The following STKLD1 variants were observed in gnomAD, a reference collection of about 807,000 sequenced individuals.
The protein encoded by STKLD1 is serine/threonine kinase like domain containing 1, also known as serine/threonine kinase-like domain-containing protein STKLD1.
In STKLD1, 79 loss-of-function variants were observed where a neutral mutation model predicts 80.4. The ratio of observed to expected loss-of-function variants is 0.98; its 90% confidence interval spans 0.82 to 1.19. The LOEUF (loss-of-function observed/expected upper bound fraction) is 1.19, where lower values mean the gene tolerates loss of function less well. Ranked by LOEUF, STKLD1 falls within the 50% of genes most tolerant of loss-of-function variation. The pLI, the probability that STKLD1 is intolerant of heterozygous loss-of-function variation, is 0.00. For missense variants in STKLD1, 841 were observed against 856.0 expected (o/e 0.98, Z 0.22); for synonymous variants, 393 against 357.6 (o/e 1.10, Z -1.12).
In STKLD1 at chr9:133,379,065, G is replaced by T; in HGVS notation, c.117G>T (p.Leu39Phe). The T allele has an allele frequency of 6.2e-7, 1 of 1,613,954 alleles. No individual in the cohort carries two copies. The highest frequency in any genetic ancestry group is 8.5e-7 in the Non-Finnish European group (1 of 1,179,886). Reference sequence around the variant, plus strand: ...TGTACCAGCTGAATCCTGGGGCCTTGGGGGTGAACCTGGTGGTGGAGGAAA... The same window carrying T: ...TGTACCAGCTGAATCCTGGGGCCTTTGGGGTGAACCTGGTGGTGGAGGAAA... The part of the protein sequence containing the change: ...QVLYQLNPGA[L>F]GVNLVVEEME... The change falls in exon 2 of 18, where the codon TTG becomes TTT. Residue 39 changes from leucine (L) to phenylalanine (F), a missense_variant. Physicochemically the swap from Leu to Phe is conservative, Grantham distance 22 (BLOSUM62 0). Transcript: ENST00000371957.
chr9:133,394,703 C>G lies in STKLD1; in HGVS notation c.702+294C>G. On this transcript the variant is annotated intron_variant, in intron 8 of 17. Coordinates refer to ENST00000371957, the MANE Select transcript of STKLD1 (RefSeq NM_153710.5). This position sits in a 1 kb window ranked among gnomAD's most constrained non-coding sequence, Gnocchi z 4.9. ...GTCACTGACTCTTGATGGAGAAAAG[C>G]CAAGTTCAGGTGCCCTTGTGAGCAT... 2.5e-6 allele frequency: 1 copy of G among 405,874 alleles called. No homozygotes were observed. Among genetic ancestry groups the G allele is most frequent in the Non-Finnish European group, 4.6e-6 (1 of 219,486 alleles). 25.1% of individuals were successfully genotyped at this position (405,874 alleles called of 1,614,324 possible). A position where few individuals can be genotyped will look rare whatever the true frequency, so the allele number is the denominator to read the frequency against.
chr9:133,402,342 G>C (rs28602295), intron 13 of STKLD1, among the ~76,000 whole-genome samples: 3 of 152,130 alleles, frequency 2.0e-5, no homozygotes, highest in African/African-American at 7.2e-5. Context: ...GCTGGGCCTC[G>C]AGAGAGCCTA....
At chr9:133,388,872 C>T in intron 5 of STKLD1, 1 of 985,384 alleles carries the variant, frequency 1.0e-6, no homozygotes, top group Non-Finnish European at 1.2e-6. Flanking sequence ...GAGTGAGTTT[C>T]AGACTTTGTG....
At position 133,392,679 on chromosome 9, in the gene STKLD1, ATGGG is replaced by A. The variant is rs1158698683; in HGVS notation, c.584-1609_584-1606del. ...AGTGGATGGGTGGGTGGGTGAGTGGATGGGTGAGTAGGTGAGTGGATGAGTGGAT... is the reference window on the plus strand; with the variant it reads ...AGTGGATGGGTGGGTGGGTGAGTGGATGAGTAGGTGAGTGGATGAGTGGAT... On this transcript the variant is annotated intron_variant, in intron 7 of 17. Coordinates refer to ENST00000371957, the MANE Select transcript of STKLD1 (RefSeq NM_153710.5). 4.3e-4 allele frequency among the ~76,000 whole-genome samples: 40 copies of A among 93,594 alleles called. 2 individuals are homozygous for A. Among genetic ancestry groups the A allele is most frequent in the African/African-American group, 1.1e-3 (23 of 21,008 alleles). 61.4% of individuals were successfully genotyped at this position (93,594 alleles called of 152,430 possible).
At position 133,405,436 on chromosome 9, in the gene STKLD1, C is replaced by G. The variant is rs1554778557; in HGVS notation, c.*15C>G. The stretch of plus-strand genomic sequence containing the variant: ...GACTGGAATAGATGTTTGTATGGAA[C>G]TGACCTTGATCTCCACGTGTATAGT... On this transcript the variant is annotated 3_prime_UTR_variant, in exon 18 of 18. Coordinates refer to ENST00000371957, the MANE Select transcript of STKLD1 (RefSeq NM_153710.5). 6.3e-7 allele frequency: 1 copy of G among 1,591,778 alleles called. No individual in the cohort carries two copies. The highest frequency in any genetic ancestry group is 1.3e-5 in the African/African-American group (1 of 74,544).
At chr9:133,393,589 G>GTGGGTGAGTGAGTGAA (rs1376901281) in intron 7 of STKLD1, among the ~76,000 whole-genome samples, 2 of 146,092 alleles carry the variant, frequency 1.4e-5, no homozygotes, top group Non-Finnish European at 3.0e-5. Context: ...GGATGGATGG[G>GTGGGTGAGTGAGTGAA]TGGGTGAGTG....
Position 133,385,769 on chromosome 9 carries a change from G to A in STKLD1, c.294+78G>A, listed in dbSNP as rs1429820774. The A allele has an allele frequency of 9.0e-6, 12 of 1,338,378 alleles. No individual in the cohort carries two copies. Among genetic ancestry groups the A allele is most frequent in the Admixed American group, 3.5e-5 (2 of 57,506 alleles). 82.9% of individuals were successfully genotyped at this position (1,338,378 alleles called of 1,614,324 possible). ...ACCAAGCAGACTGAGCCCAGAGCAC[G>A]CCCACCCCCCACTGTCAGAATAGCT... On this transcript the variant is annotated intron_variant, in intron 4 of 17. Transcript: ENST00000371957. This position sits in a 1 kb window ranked among gnomAD's most constrained non-coding sequence, Gnocchi z 4.9.
In STKLD1 at chr9:133,379,136, C is replaced by A. The variant is rs2130259727; in HGVS notation, c.174+14C>A. 1.2e-6 allele frequency: 2 copies of A among 1,609,090 alleles called. No homozygotes were observed. The highest frequency in any genetic ancestry group is 3.3e-5 in the Admixed American group (2 of 59,706). ...GTGATAAAGCAGGTAAGAGGCCAAG[C>A]CTGTGCATCCCATGCCGGGTGGTTC... On this transcript the variant is annotated intron_variant, in intron 2 of 17. Transcript: ENST00000371957.
At chr9:133,398,563 G>T (rs34426478) in intron 11 of STKLD1, among the ~76,000 whole-genome samples, 6,850 of 152,280 alleles carry the variant, frequency 0.045, 224 homozygotes, top group Non-Finnish European at 0.071. Flanking sequence ...AGGACTGCTT[G>T]AGCCCAGGGA....
At chr9:133,376,984 G>A (rs2130252445) in intron 1 of STKLD1, among the ~76,000 whole-genome samples, 7 of 152,182 alleles carry the variant, frequency 4.6e-5, no homozygotes, top group Non-Finnish European at 8.8e-5. Context: ...CAAAAGGAAA[G>A]CTGCAAAATA....
chr9:133,398,066 C>T lies in STKLD1; in HGVS notation c.1081+11C>T, dbSNP rs1473439913. ...CTGCAGATCAGCTAGGTAGGCCCCA[C>T]CCTGCACCCCTTTCCCAGCTGCTCC... On this transcript the variant is annotated intron_variant, in intron 11 of 17. Transcript: ENST00000371957. 1 of 1,611,786 alleles carries T rather than the reference C, an allele frequency of 6.2e-7. No homozygotes were observed. Among genetic ancestry groups the T allele is most frequent in the Non-Finnish European group, 8.5e-7 (1 of 1,178,630 alleles).
At chr9:133,386,965 G>GC (rs146971434) in intron 4 of STKLD1, among the ~76,000 whole-genome samples, 2,096 of 152,330 alleles carry the variant, frequency 0.014, 63 homozygotes, top group African/African-American at 0.047. Context: ...GATTTTCTGA[G>GC]CACCCCCTAA....
chr9:133,380,419 C>T (rs2130263566), intron 2 of STKLD1, among the ~76,000 whole-genome samples: 17,910 of 152,028 alleles, frequency 0.12, 1,395 homozygotes, highest in African/African-American at 0.22. Flanking sequence ...TTTGGGAGGC[C>T]GAGGCAGGCA....
At position 133,397,176 on chromosome 9, in the gene STKLD1, C is replaced by T. The variant is rs139320428; in HGVS notation, c.879C>T (p.His293=). Residue 293 remains histidine, a synonymous_variant, in exon 10 of 18, where the codon CAC becomes CAT. Coordinates refer to ENST00000371957, the MANE Select transcript of STKLD1 (RefSeq NM_153710.5). ...SDRITIKDVV[H]ITFLRGSFKS... is the part of the protein sequence containing the mutation. ...GCTCCTCTGCTAGGGACGTGGTGCA[C>T]ATCACCTTCTTGAGAGGCTCCTTCA... 2.0e-4 allele frequency: 326 copies of T among 1,613,868 alleles called. No individual in the cohort carries two copies. The highest frequency in any genetic ancestry group is 2.6e-4 in the Non-Finnish European group (311 of 1,180,032).
chr9:133,404,764 G>T (rs782146212), intron 16 of STKLD1, 25 bp from the exon 17 acceptor site: 1 of 1,608,720 alleles, frequency 6.2e-7, no homozygotes, highest in Non-Finnish European at 8.5e-7. Flanking sequence ...AGCAGGGAAT[G>T]AACCCACTCC....
chr9:133,390,632 C>T lies in STKLD1; in HGVS notation c.468-49C>T. 6.8e-7 allele frequency: 1 copy of T among 1,461,822 alleles called. No individual in the cohort carries two copies. The highest frequency in any genetic ancestry group is 9.6e-7 in the Non-Finnish European group (1 of 1,043,852). 90.6% of individuals were successfully genotyped at this position (1,461,822 alleles called of 1,614,324 possible). The stretch of plus-strand genomic sequence containing the variant: ...CACCTGGGGTTGTGGGTGGTGGCTG[C>T]CCAGGTGGCCCCTTGGCATCCAGAG... On this transcript the variant is annotated intron_variant, in intron 6 of 17. Transcript: ENST00000371957. The surrounding 1 kb of genome is among the most constrained non-coding windows in gnomAD (Gnocchi z 5.1).
At position 133,405,371 on chromosome 9, in the gene STKLD1, C is replaced by G; in HGVS notation, c.1993C>G (p.Pro665Ala). 6.2e-7 allele frequency: 1 copy of G among 1,612,338 alleles called. No individual in the cohort carries two copies. The highest frequency in any genetic ancestry group is 1.3e-5 in the African/African-American group (1 of 75,050). Residue 665 changes from proline (P) to alanine (A), a missense_variant, in exon 18 of 18, where the codon CCA (proline) becomes GCA (alanine). Physicochemically the swap from Pro to Ala is conservative, Grantham distance 27. Coordinates refer to ENST00000371957, the MANE Select transcript of STKLD1 (RefSeq NM_153710.5). ...SSAFSKPGLP[P>A]GGSPQLGCTT... ...CGCCTTCAGCAAACCAGGCCTCCCT[C>G]CAGGTGGAAGCCCCCAGCTGGGGTG...
Position 133,394,863 on chromosome 9 carries a change from T to G in STKLD1, c.702+454T>G, listed in dbSNP as rs1838516476. 1 of 164,212 alleles carries G rather than the reference T, an allele frequency of 6.1e-6. No individual in the cohort carries two copies. Among genetic ancestry groups the G allele is most frequent in the African/African-American group, 2.4e-5 (1 of 41,730 alleles). The allele number at this position is 164,212 out of a possible 1,614,324, so 10.2% of individuals were successfully genotyped here. A position where few individuals can be genotyped will look rare whatever the true frequency, so the allele number is the denominator to read the frequency against. On this transcript the variant is annotated intron_variant, in intron 8 of 17. Coordinates refer to ENST00000371957, the MANE Select transcript of STKLD1 (RefSeq NM_153710.5). The surrounding 1 kb of genome is among the most constrained non-coding windows in gnomAD (Gnocchi z 4.9). ...CACATCCTTAGCATGCAGCTCTTTC[T>G]CTCATCCCTGCTGGGGCCCCTGCAC... is the stretch of plus-strand genomic sequence containing the variant.
In STKLD1 at chr9:133,395,614, G is replaced by C; in HGVS notation, c.717G>C (p.Met239Ile). ...TCTCCGTGCAGGGCACAGAAGCCATGCATCTGCGGAAGTCCCTCCGCCAGA... is the reference window on the plus strand; with the variant it reads ...TCTCCGTGCAGGGCACAGAAGCCATCCATCTGCGGAAGTCCCTCCGCCAGA... ...SCSFMDGTEA[M>I]HLRKSLRQSP... Residue 239 changes from methionine to isoleucine, a missense_variant, in exon 9 of 18, where the codon ATG becomes ATC. By Grantham distance (10) the Met-to-Ile change is conservative. Transcript: ENST00000371957. 1 of 1,613,056 alleles carries C rather than the reference G, an allele frequency of 6.2e-7. No homozygotes were observed.
Sources: allele counts gnomAD v4.1 joint callset (sites outside exome capture counted in the v4.1 genomes callset), GRCh38; gene constraint gnomAD v4.1.1; non-coding constraint Gnocchi (gnomAD v3.1); transcripts MANE v1.5; gene names NCBI Gene and HGNC (gene_info 2026-07-23, HGNC 2026-07-21).